The following CPXM2 variants were observed in gnomAD, a reference collection of about 807,000 sequenced individuals.
The protein encoded by CPXM2 is inactive carboxypeptidase-like protein X2.
A neutral mutation model predicts 86.1 loss-of-function variants in CPXM2; 66 were observed. The observed-to-expected ratio is 0.77, with a 90% CI of 0.63 to 0.94. The LOEUF (loss-of-function observed/expected upper bound fraction) is 0.94. Ranked by LOEUF, CPXM2 falls within the 40% of genes least tolerant of loss-of-function variation. The probability of loss-of-function intolerance (pLI) is 0.00; values close to 1 mark genes in which losing one functional copy is unlikely to be tolerated. For synonymous variants in CPXM2, 388 were observed against 400.2 expected (o/e 0.97, Z 0.36); for missense variants, 948 against 1,026.3 (o/e 0.92, Z 1.04).
intron 13 of CPXM2, among the ~76,000 whole-genome samples, chr10:123,753,087 C>G (rs1419556110): frequency 2.0e-5 from 3 of 152,042 alleles, no homozygotes; most frequent in Non-Finnish European, 4.4e-5. Flanking sequence ...GAGAGGGTGA[C>G]GTCTGAGCAA....
At chr10:123,783,673 A>G (rs1846986168) in intron 6 of CPXM2, among the ~76,000 whole-genome samples, 1 of 152,178 alleles carries the variant, frequency 6.6e-6, no homozygotes, top group Admixed American at 6.5e-5. Flanking sequence ...GCCTAAAGCC[A>G]AAGTCAGACC....
chr10:123,877,950 C>T (rs536140243), intron 2 of CPXM2, among the ~76,000 whole-genome samples: 1 of 152,142 alleles, frequency 6.6e-6, no homozygotes, highest in African/African-American at 2.4e-5. Context: ...CTGTACTGCC[C>T]CCCGCCTTGC....
rs552117761 is a variant in CPXM2, at chr10:123,823,850, T to G, written c.653+18499A>C. Among the ~76,000 whole-genome samples, 11 of 152,298 alleles carry G rather than the reference T, an allele frequency of 7.2e-5. No individual in the cohort carries two copies. The East Asian group carries it at 2.1e-3, about 29-fold the overall frequency. On this transcript the variant is annotated intron_variant, in intron 4 of 13. Coordinates refer to ENST00000241305, the MANE Select transcript of CPXM2 (RefSeq NM_198148.3). The stretch of plus-strand genomic sequence containing the variant: ...AAAAGAAAACAGAAGAAACAGCTAA[T>G]GGGTTTGCAATTGTTGTCTTGGGAG...
intron 4 of CPXM2, among the ~76,000 whole-genome samples, chr10:123,829,375 A>ATTT (rs61384081): frequency 9.4e-5 from 14 of 148,300 alleles, no homozygotes; most frequent in South Asian, 2.1e-4. Flanking sequence ...TGGAAAAAAA[A>ATTT]TTTTTTTTTT....
intron 4 of CPXM2, among the ~76,000 whole-genome samples, chr10:123,828,719 C>T (rs888620452): frequency 6.6e-6 from 1 of 152,068 alleles, no homozygotes; most frequent in Non-Finnish European, 1.5e-5. Flanking sequence ...TAAAAATTAA[C>T]TCAAAATGGA....
chr10:123,937,641 A>G, intron 2 of CPXM2, among the ~76,000 whole-genome samples: 1 of 152,182 alleles, frequency 6.6e-6, no homozygotes, highest in East Asian at 1.9e-4. Context: ...GTCTCTTGAC[A>G]GTTCCTTGAA....
At chr10:123,910,249 T>C (rs778045554) in intron 2 of CPXM2, among the ~76,000 whole-genome samples, 2 of 152,172 alleles carry the variant, frequency 1.3e-5, no homozygotes, top group Non-Finnish European at 2.9e-5. Flanking sequence ...TTTGAATGCC[T>C]GGACACCTGG....
At chr10:123,771,393 G>C (rs727417) in intron 7 of CPXM2, among the ~76,000 whole-genome samples, 140,883 of 152,140 alleles carry the variant, frequency 0.93, 65,260 homozygotes, top group Non-Finnish European at 0.94. Context: ...GAAACCTAAT[G>C]CCCAATGCAT....
In CPXM2 at chr10:123,771,165, C is replaced by A. The variant is rs540983086; in HGVS notation, c.979-126G>T. Reference sequence around the variant, plus strand: ...CTCCCAAGCGCCCCCACATTCTGCACACCCCAGCTGCTATCGCCTCTGCCC... The same window carrying A: ...CTCCCAAGCGCCCCCACATTCTGCAAACCCCAGCTGCTATCGCCTCTGCCC... On this transcript the variant is annotated intron_variant, in intron 7 of 13. Transcript: ENST00000241305. 24 of 794,344 alleles carry A rather than the reference C, an allele frequency of 3.0e-5. 1 individual carries two copies. In the South Asian group the frequency reaches 3.1e-4, roughly 10 times the overall value. 49.2% of individuals were successfully genotyped at this position (794,344 alleles called of 1,614,324 possible).
intron 7 of CPXM2, among the ~76,000 whole-genome samples, chr10:123,774,632 T>C (rs1458976148): frequency 6.6e-6 from 1 of 152,180 alleles, no homozygotes; most frequent in African/African-American, 2.4e-5. Context: ...AGGTGCAGCC[T>C]TGACTGGGAA....
intron 2 of CPXM2, among the ~76,000 whole-genome samples, chr10:123,921,677 G>T (rs1447083486): frequency 6.6e-6 from 1 of 152,228 alleles, no homozygotes; most frequent in East Asian, 1.9e-4. Flanking sequence ...TCAAACACCT[G>T]TGTGCTGAAT....
intron 6 of CPXM2, among the ~76,000 whole-genome samples, chr10:123,788,408 A>G (rs1047296178): frequency 2.8e-4 from 42 of 152,188 alleles, no homozygotes; most frequent in African/African-American, 9.9e-4. Context: ...GAGAGTTACA[A>G]GTGGATTTAC....
At chr10:123,863,760 C>A (rs1350196332) in intron 2 of CPXM2, among the ~76,000 whole-genome samples, 1 of 152,240 alleles carries the variant, frequency 6.6e-6, no homozygotes, top group Non-Finnish European at 1.5e-5. Context: ...TGGTCTGGCA[C>A]CTCCGCAGCT....
upstream of CPXM2, among the ~76,000 whole-genome samples, chr10:123,894,209 C>T (rs1001669354): frequency 2.0e-5 from 3 of 152,194 alleles, no homozygotes; most frequent in African/African-American, 7.2e-5. Flanking sequence ...GCCCATGAGT[C>T]CTGAAGACAC....
intron 4 of CPXM2, among the ~76,000 whole-genome samples, chr10:123,804,854 T>C (rs2134080886): frequency 6.6e-6 from 1 of 152,320 alleles, no homozygotes; most frequent in East Asian, 1.9e-4. Flanking sequence ...TTGTTTGTTT[T>C]TATTTTAATC....
chr10:123,898,844 A>C (rs1590111820), intron 2 of CPXM2, among the ~76,000 whole-genome samples: 1 of 152,218 alleles, frequency 6.6e-6, no homozygotes, highest in Non-Finnish European at 1.5e-5. Context: ...TCTCAGGTTC[A>C]AACAATTCTC....
chr10:123,793,986 C>A (rs1006469228), intron 6 of CPXM2, among the ~76,000 whole-genome samples: 4 of 152,214 alleles, frequency 2.6e-5, no homozygotes, highest in Non-Finnish European at 4.4e-5. Flanking sequence ...GCAAGACAGG[C>A]GGTGGCCTTA....
intron 2 of CPXM2, 143 bp downstream of exon 2, chr10:123,880,068 T>C (rs1267453798): frequency 5.1e-6 from 3 of 584,914 alleles, no homozygotes; most frequent in Non-Finnish European, 6.1e-6. Flanking sequence ...CCCCGCACCA[T>C]GGATCGGAAT....
intron 2 of CPXM2, among the ~76,000 whole-genome samples, chr10:123,915,218 A>G (rs1393004763): frequency 6.6e-6 from 1 of 152,014 alleles, no homozygotes; most frequent in Admixed American, 6.6e-5. Context: ...TCTGCACATC[A>G]TCCCTGCATG....
Sources: gnomAD v4.1 joint callset for allele counts (sites outside exome capture counted in the v4.1 genomes callset) on GRCh38, gnomAD v4.1.1 for gene constraint, MANE v1.5 for transcripts, NCBI Gene and HGNC (gene_info 2026-07-23, HGNC 2026-07-21) for gene names.